Variants in SEMA6A observed in about 807,000 individuals in gnomAD.
SEMA6A encodes semaphorin 6A.
A neutral mutation model predicts 96.8 loss-of-function variants in SEMA6A; 25 were observed. That is an observed-to-expected ratio of 0.26 (90% CI 0.19 to 0.36). The LOEUF (loss-of-function observed/expected upper bound fraction) is 0.36. Ranked by LOEUF, SEMA6A falls within the 10% of genes least tolerant of loss-of-function variation. SEMA6A has a pLI of 1.00. For synonymous variants in SEMA6A, 612 were observed against 518.0 expected (o/e 1.18, Z -2.46); for missense variants, 1,363 against 1,323.1 (o/e 1.03, Z -0.47).
At chr5:116,482,825 T>G (rs868027368) in intron 10 of SEMA6A, among the ~76,000 whole-genome samples, 10 of 152,340 alleles carry the variant, frequency 6.6e-5, no homozygotes, top group Middle Eastern at 3.4e-3. Flanking sequence ...ATGTCTACAT[T>G]GCTTCTTGAA....
chr5:116,479,665 G>C (rs1192871535), intron 12 of SEMA6A, among the ~76,000 whole-genome samples: 1 of 152,170 alleles, frequency 6.6e-6, no homozygotes, highest in African/African-American at 2.4e-5. Context: ...TTCAGAAAAA[G>C]AATATTAAAC....
chr5:116,499,332 C>T (rs562465992), intron 3 of SEMA6A, among the ~76,000 whole-genome samples: 2 of 150,210 alleles, frequency 1.3e-5, no homozygotes, highest in African/African-American at 4.9e-5. Flanking sequence ...TGAACATAAA[C>T]TGACTTAATC....
intron 1 of SEMA6A, among the ~76,000 whole-genome samples, chr5:116,538,952 G>A (rs534816258): frequency 1.3e-5 from 2 of 151,772 alleles, no homozygotes; most frequent in East Asian, 3.9e-4. Context: ...TCCTTTTTTT[G>A]TAAATAAATT....
At chr5:116,461,708 A>C (rs1409258540) in intron 18 of SEMA6A, among the ~76,000 whole-genome samples, 1 of 152,160 alleles carries the variant, frequency 6.6e-6, no homozygotes, top group Non-Finnish European at 1.5e-5. Context: ...CTTGTCTAAT[A>C]TATTTTTTTA....
chr5:116,459,607 T>C (rs1755245041), intron 18 of SEMA6A, among the ~76,000 whole-genome samples: 1 of 152,210 alleles, frequency 6.6e-6, no homozygotes, highest in Admixed American at 6.5e-5. Context: ...TCATGGACTT[T>C]ATTCAGCTTG....
intron 1 of SEMA6A, among the ~76,000 whole-genome samples, chr5:116,530,787 T>C (rs1008450270): frequency 1.6e-4 from 24 of 152,168 alleles, no homozygotes; most frequent in African/African-American, 5.8e-4. Context: ...CAAAAATACA[T>C]GCTTGCCTTT....
At chr5:116,573,762 C>A (rs1398291061) in intron 1 of SEMA6A, among the ~76,000 whole-genome samples, 3 of 152,146 alleles carry the variant, frequency 2.0e-5, no homozygotes, top group Non-Finnish European at 2.9e-5. Flanking sequence ...AGGGCAGAAC[C>A]CCTTCCCCTG....
In SEMA6A at chr5:116,446,539, T is replaced by G. The variant is rs879205258; in HGVS notation, c.*74A>C. On this transcript the variant is annotated 3_prime_UTR_variant, in exon 19 of 19. Transcript: ENST00000343348. ...TTGGTCTGGTGGGTACTCGAGGCAGTTGAGAACCTTGCTGAGCTGAGCGGG... is the reference window on the plus strand; with the variant it reads ...TTGGTCTGGTGGGTACTCGAGGCAGGTGAGAACCTTGCTGAGCTGAGCGGG... 2.3e-6 allele frequency: 3 copies of G among 1,303,742 alleles called. No individual in the cohort carries two copies. Among genetic ancestry groups the G allele is most frequent in the South Asian group, 1.7e-5 (1 of 60,268 alleles). 80.8% of individuals were successfully genotyped at this position (1,303,742 alleles called of 1,614,324 possible).
intron 1 of SEMA6A, among the ~76,000 whole-genome samples, chr5:116,509,963 C>T (rs2112788366): frequency 6.6e-6 from 1 of 152,156 alleles, no homozygotes; most frequent in South Asian, 2.1e-4. Flanking sequence ...CCTGGTTGCT[C>T]CTAAGCAGCA....
At chr5:116,562,919 C>A (rs1417364852) in intron 1 of SEMA6A, 3 of 591,718 alleles carry the variant, frequency 5.1e-6, no homozygotes, top group Middle Eastern at 2.8e-4. Flanking sequence ...GCCCTTGCCC[C>A]CTCGGGTATG....
intron 10 of SEMA6A, among the ~76,000 whole-genome samples, chr5:116,485,820 G>A (rs543220964): frequency 6.6e-6 from 1 of 152,158 alleles, no homozygotes; most frequent in Non-Finnish European, 1.5e-5. Flanking sequence ...TAGATTTCAC[G>A]ACCATGCACA....
intron 18 of SEMA6A, among the ~76,000 whole-genome samples, chr5:116,466,873 T>C (rs138939734): frequency 6.6e-6 from 1 of 152,272 alleles, no homozygotes; most frequent in East Asian, 1.9e-4. Flanking sequence ...TAGGATGTGT[T>C]ACCAGAAGCA....
chr5:116,546,985 T>G (rs573963793), intron 1 of SEMA6A, among the ~76,000 whole-genome samples: 1 of 152,314 alleles, frequency 6.6e-6, no homozygotes, highest in Admixed American at 6.5e-5. Context: ...GGGAACAAAA[T>G]GGAAAGGTGT....
At chr5:116,491,331 C>T (rs926032065) in intron 7 of SEMA6A, among the ~76,000 whole-genome samples, 4 of 152,128 alleles carry the variant, frequency 2.6e-5, no homozygotes, top group African/African-American at 9.7e-5. Flanking sequence ...AGCTGCCTCC[C>T]GGATGACACT....
chr5:116,532,979 C>T (rs557204991), intron 1 of SEMA6A, among the ~76,000 whole-genome samples: 19 of 152,290 alleles, frequency 1.2e-4, no homozygotes, highest in African/African-American at 4.1e-4. Flanking sequence ...GTTTCTCCAC[C>T]CCCTCTGCCA....
At chr5:116,477,716 C>A (rs973398465) in intron 15 of SEMA6A, 130 bp downstream of exon 15, 20 of 850,874 alleles carry the variant, frequency 2.4e-5, no homozygotes, top group Middle Eastern at 3.5e-4. Flanking sequence ...AGGAGAAAGG[C>A]TGACAGTCCC....
intron 18 of SEMA6A, among the ~76,000 whole-genome samples, chr5:116,455,941 G>A (rs925997115): frequency 6.6e-6 from 1 of 152,126 alleles, no homozygotes; most frequent in Non-Finnish European, 1.5e-5. Flanking sequence ...TTGAATAAAT[G>A]AACACAAAGC....
intron 11 of SEMA6A, among the ~76,000 whole-genome samples, chr5:116,480,505 G>C (rs1333105765): frequency 2.0e-5 from 3 of 152,156 alleles, no homozygotes; most frequent in African/African-American, 7.2e-5. Flanking sequence ...AGCCTCAGCT[G>C]GGGGCAGGCT....
chr5:116,483,547 A>G (rs2112705662), intron 10 of SEMA6A, among the ~76,000 whole-genome samples: 1 of 152,328 alleles, frequency 6.6e-6, no homozygotes, highest in Admixed American at 6.5e-5. Flanking sequence ...GAATTTTGCA[A>G]ATGTTGAACA....
Sources: gnomAD v4.1 joint callset for allele counts (sites outside exome capture counted in the v4.1 genomes callset) on GRCh38, gnomAD v4.1.1 for gene constraint, MANE v1.5 for transcripts, NCBI Gene and HGNC (gene_info 2026-07-23, HGNC 2026-07-21) for gene names.